COG1: variants seen among roughly 807,000 people sequenced by gnomAD.
COG1 encodes component of oligomeric golgi complex 1.
In COG1, 61 loss-of-function variants were observed where a neutral mutation model predicts 102.2. That is an observed-to-expected ratio of 0.60 (90% CI 0.49 to 0.74). COG1 has a LOEUF of 0.74. Among genes scored for constraint, COG1 ranks in the 30% least tolerant of loss-of-function variants. COG1 has a pLI of 0.00. For synonymous variants in COG1, 454 were observed against 493.6 expected (o/e 0.92, Z 1.06); for missense variants, 1,164 against 1,232.1 (o/e 0.94, Z 0.83).
intron 5 of COG1, 66 bp from the exon 6 acceptor site, chr17:73,200,499 GT>G: frequency 7.5e-7 from 1 of 1,326,414 alleles, no homozygotes; most frequent in Non-Finnish European, 1.1e-6. Flanking sequence ...GGATTCTGAT[GT>G]TTTTCTTAAT....
rs2061348258 is a variant in COG1, at chr17:73,201,818, A to G, written c.1991A>G (p.Gln664Arg). 6.2e-7 allele frequency: 1 copy of G among 1,614,088 alleles called. No individual in the cohort carries two copies. Among genetic ancestry groups the G allele is most frequent in the African/African-American group, 1.3e-5 (1 of 74,934 alleles). Residue 664 changes from glutamine (Q) to arginine (R), a missense_variant, in exon 7 of 14, where the codon CAG becomes CGG. Gln to Arg is a conservative substitution (Grantham distance 43). Coordinates refer to ENST00000299886, the MANE Select transcript of COG1 (RefSeq NM_018714.3). ...KVKTQEIIPT[Q>R]AKWQEVKEVL... ...AAAACTCAGGAAATCATTCCTACAC[A>G]GGCCAAGTGGCAAGAGGTTAAAGAA...
At chr17:73,200,049 A>C in intron 5 of COG1, 28 bp downstream of exon 5, 1 of 1,597,636 alleles carries the variant, frequency 6.3e-7, no homozygotes, top group Non-Finnish European at 8.5e-7. Flanking sequence ...GCTTCCCTGC[A>C]GCTGGCAGGA....
chr17:73,206,072 G>T (rs769344179), intron 10 of COG1, 82 bp from the exon 11 acceptor site: 3 of 1,174,936 alleles, frequency 2.6e-6, no homozygotes, highest in Middle Eastern at 1.9e-4. Context: ...CCAACTCCAA[G>T]ATTTCTACAG....
In COG1 at chr17:73,199,694, T is replaced by C. The variant is rs1009111; in HGVS notation, c.914-171T>C. 0.52 allele frequency among the ~76,000 whole-genome samples: 78,498 copies of C among 151,894 alleles called. 20,373 individuals are homozygous for C. Among genetic ancestry groups the C allele is most frequent in the East Asian group, 0.6 (3,086 of 5,152 alleles). ...GGCTCAAATGATCCTCCTACCTCAG[T>C]CTCCCAAGTAGCTGCAACTACAGGT... is the stretch of plus-strand genomic sequence containing the variant. On this transcript the variant is annotated intron_variant, in intron 4 of 13. Transcript: ENST00000299886.
chr17:73,196,921 C>T lies in COG1; in HGVS notation c.582C>T (p.Ser194=), dbSNP rs1463181855. ...SHFRSTILHE[S]KMLLKCQGVS... Reference sequence around the variant, plus strand: ...CTAGGTCAACTATTCTGCATGAAAGCAAGATGTTGCTCAAATGCCAAGGTG... The same window carrying T: ...CTAGGTCAACTATTCTGCATGAAAGTAAGATGTTGCTCAAATGCCAAGGTG... Residue 194 remains serine (S), a synonymous_variant, in exon 3 of 14, where the codon AGC becomes AGT. Coordinates refer to ENST00000299886, the MANE Select transcript of COG1 (RefSeq NM_018714.3). 1.2e-6 allele frequency: 2 copies of T among 1,614,120 alleles called. No homozygotes were observed. Among genetic ancestry groups the T allele is most frequent in the East Asian group, 4.5e-5 (2 of 44,898 alleles).
intron 9 of COG1, chr17:73,205,235 G>A (rs1428118760): frequency 2.9e-6 from 1 of 348,682 alleles, no homozygotes; most frequent in Non-Finnish European, 5.4e-6. Flanking sequence ...AATTCAGTAA[G>A]TCTTCTCTAA....
Position 73,203,049 on chromosome 17 carries a change from C to CA in COG1, c.2124dup (p.Val709SerfsTer10). ...TCATTACTTCTAGATGATGCTGGCT[C>CA]AGTTCTGGCCACAGCCACCAGCTGG... On this transcript the variant is annotated frameshift_variant, in exon 8 of 14. Coordinates refer to ENST00000299886, the MANE Select transcript of COG1 (RefSeq NM_018714.3). LOFTEE classifies it high-confidence loss of function. The CA allele has an allele frequency of 6.2e-7, 1 of 1,614,160 alleles. No individual in the cohort carries two copies. The highest frequency in any genetic ancestry group is 8.5e-7 in the Non-Finnish European group (1 of 1,180,018).
intron 4 of COG1, 39 bp downstream of exon 4, chr17:73,197,435 C>CAACTGATAA (rs1349842756): frequency 6.2e-7 from 1 of 1,608,132 alleles, no homozygotes. Flanking sequence ...CTGGTTCACT[C>CAACTGATAA]AACTGATAAT....
chr17:73,194,762 G>A (rs145802465), intron 1 of COG1, among the ~76,000 whole-genome samples: 100 of 152,292 alleles, frequency 6.6e-4, no homozygotes, highest in African/African-American at 2.1e-3. Flanking sequence ...CACCGCGCAC[G>A]GCCCCTTAAA....
At chr17:73,205,906 C>T (rs1277238072) in intron 10 of COG1, 4 of 692,192 alleles carry the variant, frequency 5.8e-6, no homozygotes, top group Non-Finnish European at 1.0e-5. Context: ...TCTGAGTCAG[C>T]CTAGCAGCTG....
In COG1 at chr17:73,208,293, TTTCTC is replaced by T. The variant is rs764085125; in HGVS notation, c.2806-19_2806-15del. ...GGGCTCAGGCCAACTCTAAGGCACT[TTTCTC>T]TACATCCAATGGCAGGTTGTCCCCC... On this transcript the variant is annotated splice_polypyrimidine_tract_variant and intron_variant, in intron 13 of 13. Coordinates refer to ENST00000299886, the MANE Select transcript of COG1 (RefSeq NM_018714.3). 4.3e-6 allele frequency: 7 copies of T among 1,612,710 alleles called. No individual in the cohort carries two copies. The East Asian group carries it at 1.6e-4, about 36-fold the overall frequency.
In COG1 at chr17:73,201,810, T is replaced by A. The variant is rs1199380285; in HGVS notation, c.1983T>A (p.Ile661=). 1 of 1,614,070 alleles carries A rather than the reference T, an allele frequency of 6.2e-7. No homozygotes were observed. The highest frequency in any genetic ancestry group is 1.7e-5 in the Admixed American group (1 of 60,002). The change falls in exon 7 of 14, where the codon ATT becomes ATA. Residue 661 remains isoleucine, a synonymous_variant. Coordinates refer to ENST00000299886, the MANE Select transcript of COG1 (RefSeq NM_018714.3). ...GAAAGGTGAAAACTCAGGAAATCAT[T>A]CCTACACAGGCCAAGTGGCAAGAGG... ...KQGKVKTQEI[I]PTQAKWQEVK...
rs2061369037 is a variant in COG1 at position 73,205,908 on chromosome 17, T to C, written c.2510+228T>C. On this transcript the variant is annotated intron_variant, in intron 10 of 13. Coordinates refer to ENST00000299886, the MANE Select transcript of COG1 (RefSeq NM_018714.3). ...TATTCCCCTCTCTTCTGAGTCAGCC[T>C]AGCAGCTGCTGAGTATCATTTGAGC... 7.3e-6 allele frequency: 5 copies of C among 688,220 alleles called. 1 individual carries two copies. The South Asian group carries it at 8.6e-5, about 12-fold the overall frequency. The allele number at this position is 688,220 out of a possible 1,614,324, so 42.6% of individuals were successfully genotyped here. A position where few individuals can be genotyped will look rare whatever the true frequency, so the allele number is the denominator to read the frequency against.
Position 73,203,099 on chromosome 17 carries a change from G to A in COG1, c.2173G>A (p.Ala725Thr), listed in dbSNP as rs748848355. The A allele has an allele frequency of 6.2e-7, 1 of 1,614,228 alleles. No individual in the cohort carries two copies. Among genetic ancestry groups the A allele is most frequent in the South Asian group, 1.1e-5 (1 of 91,086 alleles). Residue 725 changes from alanine (A) to threonine (T), a missense_variant, in exon 8 of 14, where the codon GCA (alanine) becomes ACA (threonine). By Grantham distance (58) the Ala-to-Thr change is moderately conservative. Coordinates refer to ENST00000299886, the MANE Select transcript of COG1 (RefSeq NM_018714.3). ...GGATGAGCTAGAAATTCAGGAGGAG[G>A]CAGAGTCTGGCAGCAGTGTCACATC... Reference protein sequence around the residue: ...SWDELEIQEEAESGSSVTSKI... With the variant: ...SWDELEIQEETESGSSVTSKI...
chr17:73,206,128 A>G (rs2145104898), intron 10 of COG1, 26 bp from the exon 11 acceptor site: 1 of 1,528,844 alleles, frequency 6.5e-7, no homozygotes, highest in Non-Finnish European at 9.1e-7. Flanking sequence ...AAATGTGGAC[A>G]GTAATGATCC....
At chr17:73,199,445 G>A (rs891657459) in intron 4 of COG1, among the ~76,000 whole-genome samples, 7 of 152,094 alleles carry the variant, frequency 4.6e-5, no homozygotes, top group Admixed American at 3.3e-4. Context: ...GTTGTGGGGC[G>A]GCTGCCACAC....
chr17:73,203,190 T>C, intron 8 of COG1, 44 bp downstream of exon 8: 1 of 1,608,518 alleles, frequency 6.2e-7, no homozygotes, highest in Non-Finnish European at 8.5e-7. Flanking sequence ...AACTGCTCCG[T>C]GGAAAAGAAG....
intron 8 of COG1, 185 bp downstream of exon 8, chr17:73,203,331 A>C (rs1409812857): frequency 1.2e-6 from 1 of 810,612 alleles, no homozygotes; most frequent in Non-Finnish European, 2.0e-6. Flanking sequence ...AAGTCAGTTA[A>C]CCATTCTTTC....
At chr17:73,208,131 G>T in intron 13 of COG1, 183 bp from the exon 14 acceptor site, 1 of 1,483,572 alleles carries the variant, frequency 6.7e-7, no homozygotes, top group Non-Finnish European at 8.9e-7. Flanking sequence ...TGTCACAAAG[G>T]CTCATGCTGT....
Sources: gnomAD v4.1 joint callset for allele counts (sites outside exome capture counted in the v4.1 genomes callset) on GRCh38, gnomAD v4.1.1 for gene constraint, MANE v1.5 for transcripts, NCBI Gene and HGNC (gene_info 2026-07-23, HGNC 2026-07-21) for gene names.